Variants in WDPCP observed in about 807,000 individuals in gnomAD.
WDPCP encodes WD repeat-containing and planar cell polarity effector protein fritz homolog.
In WDPCP, 71 loss-of-function variants were observed where a neutral mutation model predicts 93.1. The ratio of observed to expected loss-of-function variants is 0.76; its 90% CI spans 0.63 to 0.93. WDPCP has a LOEUF of 0.93. WDPCP is among the 40% of genes least tolerant of loss of function. The pLI is 0.00. For missense variants in WDPCP, 844 were observed against 887.4 expected (o/e 0.95, Z 0.62); for synonymous variants, 315 against 315.0 (o/e 1.00, Z 0.00).
chr2:63,392,840 C>T (rs1693389811), intron 10 of WDPCP, among the ~76,000 whole-genome samples: 1 of 152,156 alleles, frequency 6.6e-6, no homozygotes, highest in Non-Finnish European at 1.5e-5. Flanking sequence ...CAATGAGATA[C>T]CATCTCACGC....
intron 1 of WDPCP, among the ~76,000 whole-genome samples, chr2:63,541,278 A>C (rs1704701144): frequency 6.6e-6 from 1 of 152,118 alleles, no homozygotes; most frequent in African/African-American, 2.4e-5. Flanking sequence ...CAGCCTAATA[A>C]GCATTTTAAC....
intron 17 of WDPCP, among the ~76,000 whole-genome samples, chr2:63,144,760 TCAGGGA>T (rs1671357413): frequency 6.6e-6 from 1 of 152,192 alleles, no homozygotes; most frequent in Non-Finnish European, 1.5e-5. Flanking sequence ...TTCAGGTAAA[TCAGGGA>T]TTTCTTCTTG....
At chr2:63,557,792 C>G (rs750857835) in intron 1 of WDPCP, among the ~76,000 whole-genome samples, 3 of 152,146 alleles carry the variant, frequency 2.0e-5, no homozygotes, top group Admixed American at 6.5e-5. Flanking sequence ...ATTATAAAAA[C>G]AGTCTCTCAG....
intron 14 of WDPCP, among the ~76,000 whole-genome samples, chr2:63,225,270 C>A (rs1468463239): frequency 6.6e-6 from 1 of 151,716 alleles, no homozygotes; most frequent in Non-Finnish European, 1.5e-5. Context: ...GGGCACCTCA[C>A]AAAAGATATA....
At chr2:63,455,411 AAG>A (rs1558657532) in intron 6 of WDPCP, among the ~76,000 whole-genome samples, 5 of 87,290 alleles carry the variant, frequency 5.7e-5, no homozygotes, top group African/African-American at 2.7e-4. Context: ...TTTACTTGTA[AAG>A]ATATATATAT....
intron 14 of WDPCP, among the ~76,000 whole-genome samples, chr2:63,203,924 T>C (rs544416578): frequency 1.3e-5 from 2 of 152,200 alleles, no homozygotes; most frequent in South Asian, 4.1e-4. Context: ...ATTGTGCATA[T>C]ATACATTTTC....
At chr2:63,793,275 T>C (rs1387469148) in intron 2 of WDPCP, among the ~76,000 whole-genome samples, 2 of 152,116 alleles carry the variant, frequency 1.3e-5, no homozygotes, top group Admixed American at 1.3e-4. Context: ...GCTGAGCTTC[T>C]TGATTCTTTT....
chr2:63,287,542 T>C (rs1684102154), intron 13 of WDPCP, among the ~76,000 whole-genome samples: 1 of 152,196 alleles, frequency 6.6e-6, no homozygotes, highest in Non-Finnish European at 1.5e-5. Context: ...TTGGTAGCAA[T>C]CTTCTCCTCT....
At chr2:63,500,674 T>TA (rs1375835375) in intron 1 of WDPCP, among the ~76,000 whole-genome samples, 2 of 152,148 alleles carry the variant, frequency 1.3e-5, no homozygotes, top group African/African-American at 2.4e-5. Context: ...ATGACAAACT[T>TA]ACTCCAAATC....
chr2:63,214,979 C>A (rs1351950117), intron 14 of WDPCP, among the ~76,000 whole-genome samples: 1 of 152,118 alleles, frequency 6.6e-6, no homozygotes, highest in African/African-American at 2.4e-5. Flanking sequence ...AAAGAGGACA[C>A]AAACAAATGG....
intron 15 of WDPCP, among the ~76,000 whole-genome samples, chr2:63,156,066 C>CT (rs1175340247): frequency 6.6e-6 from 1 of 152,090 alleles, no homozygotes; most frequent in East Asian, 1.9e-4. Flanking sequence ...GTGGCGGGAT[C>CT]TTGGCTCACT....
chr2:63,790,327 G>C (rs1378035249), intron 2 of WDPCP, among the ~76,000 whole-genome samples: 1 of 152,186 alleles, frequency 6.6e-6, no homozygotes, highest in Non-Finnish European at 1.5e-5. Context: ...ACTCAGAGTG[G>C]GGTGCCCCAA....
chr2:63,648,997 A>C (rs1258156077), intron 3 of WDPCP, among the ~76,000 whole-genome samples: 1 of 152,214 alleles, frequency 6.6e-6, no homozygotes, highest in South Asian at 2.1e-4. Flanking sequence ...TACAATACTT[A>C]ACACAACTTT....
chr2:63,256,154 C>A (rs1243606783), intron 14 of WDPCP, among the ~76,000 whole-genome samples: 1 of 152,128 alleles, frequency 6.6e-6, no homozygotes, highest in Non-Finnish European at 1.5e-5. Flanking sequence ...TCAGCCCCCA[C>A]TGTTTTTGTT....
At position 63,752,199 on chromosome 2, in the gene WDPCP, T is replaced by G. The variant is rs1246239660; in HGVS notation, n.308+61423A>C. On this transcript the variant is annotated intron_variant and non_coding_transcript_variant, in intron 2 of 4. Transcript: ENST00000467687. ...CAAAGCTTATAAAGACAAAGCTCCTTTTTTTTTTTGCCACTGCCTCAATCA... is the reference window on the plus strand; with the variant it reads ...CAAAGCTTATAAAGACAAAGCTCCTGTTTTTTTTTGCCACTGCCTCAATCA... 1.2e-4 allele frequency: 54 copies of G among 464,138 alleles called. 1 individual carries two copies. In the Middle Eastern group the frequency reaches 5.3e-3, roughly 45 times the overall value. 28.8% of individuals were successfully genotyped at this position (464,138 alleles called of 1,614,324 possible). A position where few individuals can be genotyped will look rare whatever the true frequency, so the allele number is the denominator to read the frequency against.
At chr2:63,597,565 G>A (rs1709341004) in intron 3 of WDPCP, 3 of 1,406,838 alleles carry the variant, frequency 2.1e-6, no homozygotes, top group South Asian at 1.7e-5. Flanking sequence ...ACGCCAAGAA[G>A]TCAGTTAAGG....
At chr2:63,251,110 G>T (rs1680676976) in intron 14 of WDPCP, among the ~76,000 whole-genome samples, 1 of 152,036 alleles carries the variant, frequency 6.6e-6, no homozygotes, top group Admixed American at 6.6e-5. Context: ...AAGAAATGAA[G>T]TAACTAATAT....
At chr2:63,131,202 G>C (rs532612080) in intron 17 of WDPCP, among the ~76,000 whole-genome samples, 1 of 152,094 alleles carries the variant, frequency 6.6e-6, no homozygotes, top group Non-Finnish European at 1.5e-5. Flanking sequence ...TGATATGGAA[G>C]GATTTACTAT....
intron 1 of WDPCP, among the ~76,000 whole-genome samples, chr2:63,525,134 C>T (rs1010644452): frequency 6.6e-6 from 1 of 152,148 alleles, no homozygotes; most frequent in Non-Finnish European, 1.5e-5. Flanking sequence ...CGTAAACAAA[C>T]TAACACAGGG....
Sources: gnomAD v4.1 joint callset for allele counts (sites outside exome capture counted in the v4.1 genomes callset) on GRCh38, gnomAD v4.1.1 for gene constraint, MANE v1.5 for transcripts, NCBI Gene and HGNC (gene_info 2026-07-23, HGNC 2026-07-21) for gene names.